GPAT3: variants seen among roughly 807,000 people sequenced by gnomAD.
GPAT3 encodes the protein glycerol-3-phosphate acyltransferase 3, also known as 1-AGP acyltransferase 9.
GPAT3 carries 53 observed loss-of-function variants against 58.8 expected under a neutral mutation model. That is an observed-to-expected ratio of 0.90 (90% CI 0.72 to 1.13). The LOEUF (loss-of-function observed/expected upper bound fraction) is 1.13, where lower values mean the gene tolerates loss of function less well. GPAT3 is among the 50% of genes most tolerant of loss of function. The probability of loss-of-function intolerance (pLI) is 0.00; values close to 1 mark genes in which losing one functional copy is unlikely to be tolerated. For synonymous variants in GPAT3, 197 were observed against 187.4 expected (o/e 1.05, Z -0.42); for missense variants, 511 against 527.6 (o/e 0.97, Z 0.31).
chr4:83,568,162 TA>T (rs1444206362), intron 2 of GPAT3, among the ~76,000 whole-genome samples: 1 of 151,358 alleles, frequency 6.6e-6, no homozygotes, highest in Non-Finnish European at 1.5e-5. Flanking sequence ...TGTTTCACAT[TA>T]AAAAAAAATT....
intron 1 of GPAT3, among the ~76,000 whole-genome samples, chr4:83,542,237 A>ATTT (rs1724331717): frequency 6.6e-6 from 1 of 152,236 alleles, no homozygotes; most frequent in Non-Finnish European, 1.5e-5. Context: ...ATTGTTTACA[A>ATTT]AATTTTATTT....
intron 8 of GPAT3, 34 bp downstream of exon 8, chr4:83,596,947 A>G (rs774825476): frequency 7.6e-6 from 12 of 1,571,578 alleles, no homozygotes; most frequent in South Asian, 5.7e-5. Context: ...GCTATAGTTG[A>G]TAACAACAAA....
chr4:83,579,079 TTCCC>T (rs1182030733), intron 2 of GPAT3, among the ~76,000 whole-genome samples: 702 of 16,410 alleles, frequency 0.043, 189 homozygotes, highest in East Asian at 0.1. Context: ...TCTTTCTTTC[TTCCC>T]TTCCTTCCTT....
intron 2 of GPAT3, 36 bp from the exon 3 acceptor site, chr4:83,581,526 A>T (rs768021781): frequency 6.3e-7 from 1 of 1,590,894 alleles, no homozygotes; most frequent in East Asian, 2.2e-5. Context: ...CTTCTGTCGT[A>T]TGGCATTTTC....
At chr4:83,579,041 T>C (rs1402075040) in intron 2 of GPAT3, among the ~76,000 whole-genome samples, 142 of 28,506 alleles carry the variant, frequency 5.0e-3, no homozygotes, top group African/African-American at 0.017. Flanking sequence ...TTTCTTTCTT[T>C]CTTTCTTTCT....
At chr4:83,575,031 C>A (rs1276582511) in intron 2 of GPAT3, among the ~76,000 whole-genome samples, 1 of 151,894 alleles carries the variant, frequency 6.6e-6, no homozygotes, top group Non-Finnish European at 1.5e-5. Context: ...CGCCCGCCAC[C>A]TCGCCAGTCT....
At chr4:83,557,583 A>G (rs28482178) in intron 2 of GPAT3, among the ~76,000 whole-genome samples, 24,670 of 152,206 alleles carry the variant, frequency 0.16, 2,280 homozygotes, top group East Asian at 0.31. Flanking sequence ...ACACATTTAT[A>G]TGCAGCCCAC....
rs570682712 is a variant in GPAT3, at chr4:83,598,430, C to T, written c.1126-214C>T. On this transcript the variant is annotated intron_variant, in intron 10 of 11. Coordinates refer to ENST00000264409, the MANE Select transcript of GPAT3 (RefSeq NM_032717.5). ...TATCTTGGGTAAGACTAATAAAGAG[C>T]GTAATAAATATATGCACATGGTAAA... The T allele has an allele frequency of 8.7e-4, 597 of 687,240 alleles. 2 individuals carry two copies. The highest frequency in any genetic ancestry group is 1.4e-3 in the Admixed American group (45 of 31,764). The allele number at this position is 687,240 out of a possible 1,614,324, so 42.6% of individuals were successfully genotyped here.
At chr4:83,546,223 G>A (rs189222626) in intron 2 of GPAT3, among the ~76,000 whole-genome samples, 6 of 152,146 alleles carry the variant, frequency 3.9e-5, no homozygotes, top group East Asian at 1.9e-4. Context: ...GACCTCAAGC[G>A]ATCCTCCCAC....
chr4:83,562,235 T>TATATAA (rs1725197984), intron 2 of GPAT3, among the ~76,000 whole-genome samples: 1 of 74,608 alleles, frequency 1.3e-5, no homozygotes, highest in African/African-American at 5.3e-5. Flanking sequence ...AATATATATA[T>TATATAA]AATATATATA....
chr4:83,537,591 A>ATT (rs1724149892), intron 1 of GPAT3, among the ~76,000 whole-genome samples: 2 of 145,174 alleles, frequency 1.4e-5, no homozygotes, highest in Admixed American at 1.4e-4. Context: ...TATGTATAAT[A>ATT]TGTGTGTGTG....
At position 83,536,503 on chromosome 4, in the gene GPAT3, G is replaced by C; in HGVS notation, c.-120G>C. ...TTTTCCTTCCTCTCTTCCCTTCGCA[G>C]AGGTGAGTGCCGGGCTCGGCGCTCT... On this transcript the variant is annotated 5_prime_UTR_variant, in exon 1 of 12. Transcript: ENST00000264409. 6.7e-7 allele frequency: 1 copy of C among 1,495,278 alleles called. No homozygotes were observed. Among genetic ancestry groups the C allele is most frequent in the Non-Finnish European group, 8.9e-7 (1 of 1,126,970 alleles). 92.6% of individuals were successfully genotyped at this position (1,495,278 alleles called of 1,614,324 possible).
rs1724085525 is a variant in GPAT3 at position 83,536,422 on chromosome 4, G to A, written c.-201G>A. The A allele has an allele frequency of 2.2e-6, 3 of 1,371,976 alleles. No individual in the cohort carries two copies. The highest frequency in any genetic ancestry group is 2.8e-6 in the Non-Finnish European group (3 of 1,064,480). 85.0% of individuals were successfully genotyped at this position (1,371,976 alleles called of 1,614,324 possible). A position where few individuals can be genotyped will look rare whatever the true frequency, so the allele number is the denominator to read the frequency against. ...CCAGCGGAGAAAGAGTTAACTGGCA[G>A]GGGCGAGGAGGAGCCCAGGGAGGAA... is the stretch of plus-strand genomic sequence containing the variant. On this transcript the variant is annotated 5_prime_UTR_variant, in exon 1 of 12. Transcript: ENST00000264409.
At chr4:83,578,576 C>T (rs916592357) in intron 2 of GPAT3, among the ~76,000 whole-genome samples, 9 of 152,116 alleles carry the variant, frequency 5.9e-5, no homozygotes, top group Non-Finnish European at 8.8e-5. Flanking sequence ...GTCTATTGTC[C>T]CCAGTGTATT....
At chr4:83,555,506 A>C (rs1724915114) in intron 2 of GPAT3, among the ~76,000 whole-genome samples, 1 of 152,120 alleles carries the variant, frequency 6.6e-6, no homozygotes, top group African/African-American at 2.4e-5. Context: ...TGGGAGGTGC[A>C]CCCCAGCTTC....
At chr4:83,547,246 CT>C (rs10618385) in intron 2 of GPAT3, among the ~76,000 whole-genome samples, 4,397 of 82,340 alleles carry the variant, frequency 0.053, 40 homozygotes, top group African/African-American at 0.059. Flanking sequence ...TTCTACTGCT[CT>C]TTTTTTTTTT....
chr4:83,574,659 TTTTTTTTTTTTTTTTTTTA>T (rs1725726000), intron 2 of GPAT3, among the ~76,000 whole-genome samples: 2 of 78,872 alleles, frequency 2.5e-5, no homozygotes, highest in Admixed American at 1.5e-4. Context: ...TTTTTTTTTT[TTTTTTTTTTTTTTTTTTTA>T]GAATTAGAGT....
chr4:83,579,061 TCTTTCTTTCTTTCTTTCTTC>T (rs1428103621), intron 2 of GPAT3, among the ~76,000 whole-genome samples: 1,059 of 43,308 alleles, frequency 0.024, 127 homozygotes, highest in Non-Finnish European at 0.033. Flanking sequence ...TTTCTTTCTT[TCTTTCTTTCTTTCTTTCTTC>T]CCTTCCTTCC....
At chr4:83,557,417 T>A (rs1191301025) in intron 2 of GPAT3, among the ~76,000 whole-genome samples, 2 of 152,208 alleles carry the variant, frequency 1.3e-5, no homozygotes, top group Non-Finnish European at 2.9e-5. Flanking sequence ...TGACTCTAAC[T>A]TAGGGGTATC....
Sources: allele counts gnomAD v4.1 joint callset (sites outside exome capture counted in the v4.1 genomes callset), GRCh38; gene constraint gnomAD v4.1.1; transcripts MANE v1.5; gene names NCBI Gene and HGNC (gene_info 2026-07-23, HGNC 2026-07-21).